Variants in DPP10 observed in about 807,000 individuals in gnomAD.
DPP10 encodes inactive dipeptidyl peptidase 10.
DPP10 carries 33 observed loss-of-function variants against 120.9 expected under a neutral mutation model. The observed-to-expected ratio is 0.27, with a 90% CI of 0.21 to 0.37. The LOEUF is 0.37. DPP10 is among the 10% of genes least tolerant of loss of function. The pLI, the probability that DPP10 is intolerant of heterozygous loss-of-function variation, is 1.00. For missense variants in DPP10, 816 were observed against 942.8 expected (o/e 0.87, Z 1.76); for synonymous variants, 337 against 326.1 (o/e 1.03, Z -0.36).
At chr2:115,573,981 A>G (rs971811721) in intron 5 of DPP10, among the ~76,000 whole-genome samples, 1 of 152,136 alleles carries the variant, frequency 6.6e-6, no homozygotes, top group Non-Finnish European at 1.5e-5. Flanking sequence ...ACTGAAGCTT[A>G]ACTAAAACCA....
At chr2:115,294,107 G>A (rs184052939) in intron 1 of DPP10, among the ~76,000 whole-genome samples, 150 of 152,156 alleles carry the variant, frequency 9.9e-4, no homozygotes, top group African/African-American at 3.4e-3. Flanking sequence ...ACTTGAAACT[G>A]GACAAACAGA....
chr2:114,855,152 C>T (rs552620137), intron 1 of DPP10, among the ~76,000 whole-genome samples: 8 of 152,094 alleles, frequency 5.3e-5, no homozygotes, highest in Admixed American at 1.3e-4. Flanking sequence ...GAGAGAGAGA[C>T]GTTGGAAGGG....
At chr2:115,283,961 G>A (rs1292289905) in intron 1 of DPP10, among the ~76,000 whole-genome samples, 2 of 151,964 alleles carry the variant, frequency 1.3e-5, no homozygotes, top group East Asian at 3.9e-4. Context: ...ATCTAGATTT[G>A]TGTAAGTGTA....
chr2:114,749,604 T>TTTATTTTATTTTATTTTATTTTATTTTTG (rs1679006077), intron 1 of DPP10, among the ~76,000 whole-genome samples: 1 of 151,388 alleles, frequency 6.6e-6, no homozygotes, highest in African/African-American at 2.4e-5. Context: ...TTTTATTTTT[T>TTTATTTTATTTTATTTTATTTTATTTTTG]GAGACAGAGT....
intron 1 of DPP10, among the ~76,000 whole-genome samples, chr2:114,717,781 G>A (rs1701447977): frequency 6.6e-6 from 1 of 152,152 alleles, no homozygotes. Flanking sequence ...TTTAGGATTA[G>A]AGAAAACAGT....
In DPP10 at chr2:114,561,515, T is replaced by C. The variant is rs139500225; in HGVS notation, c.60+118677T>C. 1.1e-3 allele frequency among the ~76,000 whole-genome samples: 165 copies of C among 152,262 alleles called. 1 individual carries two copies. The highest frequency in any genetic ancestry group is 3.4e-3 in the African/African-American group (140 of 41,560). On this transcript the variant is annotated intron_variant, in intron 1 of 25. Transcript: ENST00000410059. ...GCACACATATACAGAAAGTTTTTGC[T>C]GTAGATATGTCATTCCTTTAGCAAC...
intron 3 of DPP10, among the ~76,000 whole-genome samples, chr2:115,433,149 T>A (rs2030440): frequency 0.52 from 78,874 of 151,896 alleles, 21,552 homozygotes; most frequent in Non-Finnish European, 0.62. Flanking sequence ...CTGTGTATTT[T>A]TTTTATTAGT....
chr2:115,339,859 T>A (rs2063354936), intron 2 of DPP10, among the ~76,000 whole-genome samples: 1 of 152,190 alleles, frequency 6.6e-6, no homozygotes, highest in African/African-American at 2.4e-5. Flanking sequence ...GATGGAACTG[T>A]TCTTGACTGT....
intron 1 of DPP10, among the ~76,000 whole-genome samples, chr2:115,151,872 T>C (rs2104903284): frequency 6.6e-6 from 1 of 152,134 alleles, no homozygotes; most frequent in South Asian, 2.1e-4. Flanking sequence ...ATTTTTCTCC[T>C]TCTCAACTTG....
intron 1 of DPP10, among the ~76,000 whole-genome samples, chr2:114,559,891 CAAAAA>C (rs60833358): frequency 3.0e-5 from 2 of 65,954 alleles, no homozygotes; most frequent in African/African-American, 4.9e-5. Context: ...AGAAAAAAAG[CAAAAA>C]AAAAAAAAAA....
At chr2:115,813,066 C>CT (rs1686830378) in intron 19 of DPP10, among the ~76,000 whole-genome samples, 1 of 140,494 alleles carries the variant, frequency 7.1e-6, no homozygotes, top group African/African-American at 2.8e-5. Context: ...ACTGCAAGCT[C>CT]CGCTTCCCGG....
At chr2:114,463,184 T>C (rs1679073554) in intron 1 of DPP10, among the ~76,000 whole-genome samples, 2 of 152,188 alleles carry the variant, frequency 1.3e-5, no homozygotes, top group South Asian at 4.1e-4. Context: ...AACCCATGTA[T>C]GTATACATAT....
chr2:115,753,190 A>C lies in DPP10; in HGVS notation c.967A>C (p.Met323Leu). 6.2e-7 allele frequency: 1 copy of C among 1,611,074 alleles called. No homozygotes were observed. Among genetic ancestry groups the C allele is most frequent in the East Asian group, 2.2e-5 (1 of 44,622 alleles). The change falls in exon 11 of 26, where the codon ATG (methionine) becomes CTG (leucine). Residue 323 changes from methionine to leucine, a missense_variant. By Grantham distance (15) the Met-to-Leu change is conservative. Around this residue, in one of 3 missense-constraint regions of DPP10, gnomAD observed 592 missense variants for 649.0 expected, o/e 0.91. Coordinates refer to ENST00000410059, the MANE Select transcript of DPP10 (RefSeq NM_020868.6). Reference protein sequence around the residue: ...SFKSREYYITMVKWVSNTKTV... With the variant: ...SFKSREYYITLVKWVSNTKTV... ...CCAAACTAGAGAATACTATATCACT[A>C]TGGTTAAATGGGTAAGCAATACCAA...
chr2:115,661,073 C>A (rs1486515947), intron 5 of DPP10, among the ~76,000 whole-genome samples: 1 of 151,972 alleles, frequency 6.6e-6, no homozygotes, highest in African/African-American at 2.4e-5. Flanking sequence ...CCTCAGCCTC[C>A]CGAGTAGCTG....
At chr2:115,250,361 G>A (rs1159443942) in intron 1 of DPP10, among the ~76,000 whole-genome samples, 1 of 152,260 alleles carries the variant, frequency 6.6e-6, no homozygotes, top group Admixed American at 6.5e-5. Flanking sequence ...GCCTTTAGTC[G>A]CAGAAGTTAA....
intron 3 of DPP10, among the ~76,000 whole-genome samples, chr2:115,398,880 T>G (rs1439382564): frequency 2.0e-5 from 3 of 152,174 alleles, no homozygotes; most frequent in African/African-American, 7.2e-5. Flanking sequence ...TGTTTTAATT[T>G]ATGTTATAGT....
chr2:115,417,278 C>A (rs1037719777), intron 3 of DPP10, among the ~76,000 whole-genome samples: 3 of 152,022 alleles, frequency 2.0e-5, no homozygotes, highest in African/African-American at 7.2e-5. Flanking sequence ...TGAATGGAAA[C>A]CCCCCAAATA....
intron 7 of DPP10, among the ~76,000 whole-genome samples, chr2:115,701,095 A>G (rs1050015695): frequency 9.9e-5 from 15 of 152,128 alleles, no homozygotes; most frequent in South Asian, 6.2e-4. Flanking sequence ...AGCCTATCCT[A>G]GAATTCGTAT....
At chr2:114,642,302 G>A (rs922064175) in intron 1 of DPP10, among the ~76,000 whole-genome samples, 10 of 151,870 alleles carry the variant, frequency 6.6e-5, no homozygotes, top group Non-Finnish European at 5.9e-5. Context: ...TACAAGACAG[G>A]AACTGAAGAT....
Sources: gnomAD v4.1 joint callset for allele counts (sites outside exome capture counted in the v4.1 genomes callset) on GRCh38, gnomAD v4.1.1 for gene constraint, gnomAD v4.1.1 regional missense constraint, MANE v1.5 for transcripts, NCBI Gene and HGNC (gene_info 2026-07-23, HGNC 2026-07-21) for gene names.